The following DYNC1LI1 variants were observed in gnomAD, a reference collection of about 807,000 sequenced individuals.
DYNC1LI1 encodes the protein dynein cytoplasmic 1 light intermediate chain 1, also known as cytoplasmic dynein 1 light intermediate chain 1.
DYNC1LI1 carries 19 observed loss-of-function variants against 63.8 expected under a neutral mutation model. That is an observed-to-expected ratio of 0.30 (90% confidence interval 0.21 to 0.44). The LOEUF (loss-of-function observed/expected upper bound fraction) is 0.44, where lower values mean the gene tolerates loss of function less well. Among genes scored for constraint, DYNC1LI1 ranks in the 20% least tolerant of loss-of-function variants. DYNC1LI1 has a pLI of 1.00. For missense variants in DYNC1LI1, 565 were observed against 630.2 expected (o/e 0.90, Z 1.11); for synonymous variants, 225 against 232.3 (o/e 0.97, Z 0.28).
At chr3:32,564,899 T>C (rs922204734) in intron 2 of DYNC1LI1, among the ~76,000 whole-genome samples, 24 of 152,278 alleles carry the variant, frequency 1.6e-4, no homozygotes, top group African/African-American at 5.8e-4. Context: ...ACAAGTTACT[T>C]CTCTTAACAG....
At chr3:32,564,507 A>C (rs1256445365) in intron 2 of DYNC1LI1, among the ~76,000 whole-genome samples, 4 of 152,204 alleles carry the variant, frequency 2.6e-5, no homozygotes, top group Admixed American at 2.6e-4. Flanking sequence ...TGCAACAGAG[A>C]CCATATGACT....
At chr3:32,534,674 T>C (rs200552230) in intron 6 of DYNC1LI1, 28 bp from the exon 7 acceptor site, 22 of 1,508,472 alleles carry the variant, frequency 1.5e-5, no homozygotes, top group African/African-American at 2.8e-5. Context: ...AGAAAAATTC[T>C]GGACAAATGT....
chr3:32,568,567 C>T (rs964613074), intron 2 of DYNC1LI1, among the ~76,000 whole-genome samples: 1 of 151,970 alleles, frequency 6.6e-6, no homozygotes, highest in Non-Finnish European at 1.5e-5. Context: ...GCTGGGACCT[C>T]TAAGAACACT....
chr3:32,555,410 C>A lies in DYNC1LI1; in HGVS notation c.221-9445G>T, dbSNP rs374043152. ...CTAATGAAAACAAAGGTTCTGTAAA[C>A]AAAATCCCACTTTTTATCTCCTATT... On this transcript the variant is annotated intron_variant, in intron 2 of 12. Coordinates refer to ENST00000273130, the MANE Select transcript of DYNC1LI1 (RefSeq NM_016141.4). Among the ~76,000 whole-genome samples, 973 of 152,290 alleles carry A rather than the reference C, an allele frequency of 6.4e-3. 8 individuals are homozygous for A. The highest frequency in any genetic ancestry group is 0.022 in the African/African-American group (924 of 41,554).
chr3:32,544,660 T>C (rs1264189189), intron 4 of DYNC1LI1, among the ~76,000 whole-genome samples: 4 of 151,360 alleles, frequency 2.6e-5, no homozygotes, highest in Admixed American at 1.3e-4. Flanking sequence ...ACCAGCTACT[T>C]GAACCCAGGA....
intron 7 of DYNC1LI1, among the ~76,000 whole-genome samples, 167 bp downstream of exon 7, chr3:32,534,344 A>T (rs1227190300): frequency 6.6e-6 from 1 of 152,230 alleles, no homozygotes; most frequent in Non-Finnish European, 1.5e-5. Flanking sequence ...AGGCAATAAT[A>T]GATAAATCAA....
At chr3:32,570,255 C>A (rs1202067857) in intron 2 of DYNC1LI1, 91 bp downstream of exon 2, 1 of 1,082,474 alleles carries the variant, frequency 9.2e-7, no homozygotes, top group Non-Finnish European at 1.4e-6. Flanking sequence ...GCCGGCTGTC[C>A]GCACAAAGAG....
chr3:32,530,754 C>A (rs1697685247), intron 8 of DYNC1LI1: 1 of 452,154 alleles, frequency 2.2e-6, no homozygotes, highest in African/African-American at 1.9e-5. Flanking sequence ...ATGGCAGTCA[C>A]TAGCCACCAG....
chr3:32,535,125 G>A (rs1026880608), intron 6 of DYNC1LI1, among the ~76,000 whole-genome samples: 2 of 152,200 alleles, frequency 1.3e-5, no homozygotes, highest in Non-Finnish European at 2.9e-5. Context: ...ACTCACTGGA[G>A]AGAGCAAAAG....
chr3:32,552,740 T>C (rs1698061421), intron 2 of DYNC1LI1, among the ~76,000 whole-genome samples: 1 of 152,184 alleles, frequency 6.6e-6, no homozygotes, highest in African/African-American at 2.4e-5. Flanking sequence ...GGAGTCTCCC[T>C]CTTTCGCCAG....
rs116301893 is a variant in DYNC1LI1, at chr3:32,563,581, C to A, written c.220+6765G>T. ...TGCTGGAATTACAGGCCTGAGCCAC[C>A]ACGCCCGGCCACTTAGACTTGTTAG... On this transcript the variant is annotated intron_variant, in intron 2 of 12. Transcript: ENST00000273130. Among the ~76,000 whole-genome samples the A allele has an allele frequency of 8.1e-3, 1,231 of 152,254 alleles. 12 individuals carry two copies. Among genetic ancestry groups the A allele is most frequent in the African/African-American group, 0.028 (1,176 of 41,550 alleles).
chr3:32,570,249 G>T, intron 2 of DYNC1LI1, 97 bp downstream of exon 2: 1 of 1,011,212 alleles, frequency 9.9e-7, no homozygotes, highest in Non-Finnish European at 1.5e-6. Flanking sequence ...GGCTGGGCCG[G>T]CTGTCCGCAC....
chr3:32,537,985 A>ATATATATAATT (rs1697812438), intron 5 of DYNC1LI1, among the ~76,000 whole-genome samples: 2 of 33,712 alleles, frequency 5.9e-5, no homozygotes, highest in African/African-American at 3.3e-4. Flanking sequence ...TATATATAAT[A>ATATATATAATT]TATATATATA....
chr3:32,538,008 AAT>A (rs376140964), intron 5 of DYNC1LI1, among the ~76,000 whole-genome samples: 1,734 of 26,022 alleles, frequency 0.067, 321 homozygotes, highest in East Asian at 0.099. Flanking sequence ...TTATATATAT[AAT>A]ATATATATAT....
intron 8 of DYNC1LI1, chr3:32,532,776 C>T (rs974907487): frequency 2.7e-5 from 22 of 802,608 alleles, no homozygotes; most frequent in South Asian, 1.2e-4. Context: ...ATGCCAAGGG[C>T]GAAGATTTAA....
chr3:32,555,381 A>C (rs1424864885), intron 2 of DYNC1LI1, among the ~76,000 whole-genome samples: 2 of 152,242 alleles, frequency 1.3e-5, no homozygotes, highest in East Asian at 3.9e-4. Flanking sequence ...AAAGGTCTGA[A>C]AAGCTAATGA....
Position 32,526,821 on chromosome 3 carries a change from G to A in DYNC1LI1, c.1550C>T (p.Pro517Leu). ...VTVSPTTPTSPTEGEAS is the reference protein window; with the variant it reads ...VTVSPTTPTSLTEGEAS ...TCTTCAAGAAGCTTCTCCTTCCGTA[G>A]GAGATGTAGGTGTTGTGGGAGAAAC... Residue 517 changes from proline to leucine, a missense_variant, in exon 13 of 13, where the codon CCT becomes CTT. Coordinates refer to ENST00000273130, the MANE Select transcript of DYNC1LI1 (RefSeq NM_016141.4). The A allele has an allele frequency of 1.2e-6, 2 of 1,612,926 alleles. No homozygotes were observed. Among genetic ancestry groups the A allele is most frequent in the Middle Eastern group, 1.7e-4 (1 of 6,056 alleles).
intron 2 of DYNC1LI1, among the ~76,000 whole-genome samples, chr3:32,549,472 G>T (rs952968233): frequency 6.6e-6 from 1 of 151,878 alleles, no homozygotes; most frequent in Non-Finnish European, 1.5e-5. Context: ...TTTCCTGAAA[G>T]AAATCCTCTA....
At position 32,526,679 on chromosome 3, in the gene DYNC1LI1, G is replaced by C; in HGVS notation, c.*120C>G. On this transcript the variant is annotated 3_prime_UTR_variant, in exon 13 of 13. Coordinates refer to ENST00000273130, the MANE Select transcript of DYNC1LI1 (RefSeq NM_016141.4). ...CACACACACACACACACACACACAC[G>C]ACATAAATTTAGTCCATCTGAAGAA... is the stretch of plus-strand genomic sequence containing the variant. The C allele has an allele frequency of 3.1e-6, 2 of 643,518 alleles. No homozygotes were observed. Among genetic ancestry groups the C allele is most frequent in the African/African-American group, 4.1e-5 (2 of 48,508 alleles). The allele number at this position is 643,518 out of a possible 1,614,324, so 39.9% of individuals were successfully genotyped here. A position where few individuals can be genotyped will look rare whatever the true frequency, so the allele number is the denominator to read the frequency against.
Sources: gnomAD v4.1 joint callset for allele counts (sites outside exome capture counted in the v4.1 genomes callset) on GRCh38, gnomAD v4.1.1 for gene constraint, MANE v1.5 for transcripts, NCBI Gene and HGNC (gene_info 2026-07-23, HGNC 2026-07-21) for gene names.